The following FAM124B variants were observed in gnomAD, a reference collection of about 807,000 sequenced individuals.
FAM124B encodes family with sequence similarity 124 member B, also known as protein FAM124B.
In FAM124B, 18 loss-of-function variants were observed where a neutral mutation model predicts 19.7. That is an observed-to-expected ratio of 0.92 (90% CI 0.63 to 1.36). The LOEUF is 1.36. Ranked by LOEUF, FAM124B falls within the 40% of genes most tolerant of loss-of-function variation. FAM124B has a pLI of 0.00. For missense variants in FAM124B, 540 were observed against 553.3 expected, an observed-to-expected ratio of 0.98 and a Z score of 0.24; for synonymous variants, 223 against 225.2, an observed-to-expected ratio of 0.99 and a Z score of 0.09.
chr2:224,396,799 G>A (rs749804551), intron 1 of FAM124B, among the ~76,000 whole-genome samples: 11 of 152,242 alleles, frequency 7.2e-5, no homozygotes, highest in Admixed American at 1.3e-4. Flanking sequence ...TTGCGCCATG[G>A]TGGGGCAAGG....
At position 224,401,974 on chromosome 2, in the gene FAM124B, G is replaced by T. The variant is rs968640124; in HGVS notation, c.-206C>A. Reference sequence around the variant, plus strand: ...CGGCAAGAGAAGCTCACACCAGCTCGGGTTCAGCAGCCTCCCTCTCCACAC... The same window carrying T: ...CGGCAAGAGAAGCTCACACCAGCTCTGGTTCAGCAGCCTCCCTCTCCACAC... On this transcript the variant is annotated 5_prime_UTR_variant, in exon 1 of 2. Coordinates refer to ENST00000409685, the MANE Select transcript of FAM124B (RefSeq NM_001122779.2). 1.1e-5 allele frequency: 6 copies of T among 566,312 alleles called. No homozygotes were observed. The highest frequency in any genetic ancestry group is 1.9e-5 in the Non-Finnish European group (6 of 322,350). 35.1% of individuals were successfully genotyped at this position (566,312 alleles called of 1,614,324 possible). A position where few individuals can be genotyped will look rare whatever the true frequency, so the allele number is the denominator to read the frequency against.
intron 1 of FAM124B, among the ~76,000 whole-genome samples, chr2:224,383,293 G>A (rs982915689): frequency 1.3e-4 from 20 of 152,122 alleles, no homozygotes; most frequent in African/African-American, 4.6e-4. Flanking sequence ...GCTAGGCTTC[G>A]AGTAGTCAGT....
chr2:224,387,237 T>G (rs1295215220), intron 1 of FAM124B, among the ~76,000 whole-genome samples: 1 of 152,206 alleles, frequency 6.6e-6, no homozygotes, highest in African/African-American at 2.4e-5. Flanking sequence ...GATTGAGAGC[T>G]AGGTTTTTCA....
At chr2:224,392,048 A>G (rs1023765454) in intron 1 of FAM124B, among the ~76,000 whole-genome samples, 7 of 152,212 alleles carry the variant, frequency 4.6e-5, no homozygotes, top group Admixed American at 1.3e-4. Flanking sequence ...ATCTTAAAAT[A>G]TAATATTAAA....
intron 1 of FAM124B, chr2:224,400,315 T>C: frequency 1.7e-6 from 1 of 574,118 alleles, no homozygotes; most frequent in South Asian, 2.3e-5. Flanking sequence ...CTAAACAAGC[T>C]CGGCCAACAT....
chr2:224,382,117 G>A (rs529455652), intron 1 of FAM124B, among the ~76,000 whole-genome samples: 121 of 152,284 alleles, frequency 7.9e-4, no homozygotes, highest in African/African-American at 2.4e-3. Context: ...GATTCTTTTA[G>A]AATAGAAGTT....
At position 224,379,948 on chromosome 2, in the gene FAM124B, G is replaced by A. The variant is rs1258935971; in HGVS notation, c.993C>T (p.His331=). The change falls in exon 2 of 2, where the codon CAC becomes CAT. Residue 331 remains histidine, a synonymous_variant. Transcript: ENST00000409685. ...FQVSSPAMGA[H]LHLSSHHLES... is the part of the protein sequence containing the mutation. ...CAAGGTGATGAGAAGACAGGTGCAG[G>A]TGGGCACCCATAGCTGGGCTGCTGA... 6.4e-7 allele frequency: 1 copy of A among 1,551,790 alleles called. No homozygotes were observed. The highest frequency in any genetic ancestry group is 1.2e-5 in the South Asian group (1 of 84,064).
rs879702433 is a variant in FAM124B, at chr2:224,378,768, C to G, written c.*805G>C. ...GAATGAGTGCGTTTTGTAAAGGAAT[C>G]TGGGAGTCAAAATCTGGCCAGAAGA... On this transcript the variant is annotated 3_prime_UTR_variant, in exon 2 of 2. Coordinates refer to ENST00000409685, the MANE Select transcript of FAM124B (RefSeq NM_001122779.2). 14 of 152,284 alleles carry G rather than the reference C, an allele frequency of 9.2e-5. No homozygotes were observed. Among genetic ancestry groups the G allele is most frequent in the Admixed American group, 2.6e-4 (4 of 15,298 alleles). 9.4% of individuals were successfully genotyped at this position (152,284 alleles called of 1,614,324 possible).
rs990907768 is a variant in FAM124B, at chr2:224,379,970, C to T, written c.971G>A (p.Ser324Asn). 3 of 1,551,764 alleles carry T rather than the reference C, an allele frequency of 1.9e-6. No individual in the cohort carries two copies. The African/African-American group carries it at 4.1e-5, about 21-fold the overall frequency. ...CAGGTGGGCACCCATAGCTGGGCTG[C>T]TGACCTGGAATGACCGGCCAGGGCT... Reference protein sequence around the residue: ...WKSPGRSFQVSSPAMGAHLHL... With the variant: ...WKSPGRSFQVNSPAMGAHLHL... Residue 324 changes from serine (S) to asparagine (N), a missense_variant, in exon 2 of 2, where the codon AGC (serine) becomes AAC (asparagine). Ser to Asn is a conservative substitution (Grantham distance 46). Coordinates refer to ENST00000409685, the MANE Select transcript of FAM124B (RefSeq NM_001122779.2).
intron 1 of FAM124B, among the ~76,000 whole-genome samples, chr2:224,385,366 C>T (rs78127756): frequency 3.9e-5 from 6 of 152,160 alleles, no homozygotes; most frequent in African/African-American, 1.2e-4. Context: ...GGATTTTCTC[C>T]TACCTTTCCC....
intron 1 of FAM124B, among the ~76,000 whole-genome samples, chr2:224,395,432 G>A (rs148142659): frequency 2.1e-3 from 325 of 152,188 alleles, no homozygotes; most frequent in African/African-American, 7.4e-3. Context: ...AAAAAAAGAG[G>A]CGGACATCAT....
intron 1 of FAM124B, among the ~76,000 whole-genome samples, chr2:224,390,154 C>CAGAGAG (rs1328913170): frequency 9.6e-5 from 14 of 145,512 alleles, no homozygotes; most frequent in African/African-American, 3.1e-4. Context: ...CACACACACA[C>CAGAGAG]ACACAGAAAA....
At chr2:224,380,688 TA>T (rs1689700628) in intron 1 of FAM124B, among the ~76,000 whole-genome samples, 1 of 152,218 alleles carries the variant, frequency 6.6e-6, no homozygotes, top group East Asian at 1.9e-4. Context: ...ATCATGCTAA[TA>T]AAAATACATA....
chr2:224,402,016 C>G lies in FAM124B; in HGVS notation c.-248G>C. 4.0e-6 allele frequency: 2 copies of G among 496,358 alleles called. No individual in the cohort carries two copies. The highest frequency in any genetic ancestry group is 6.3e-5 in the East Asian group (2 of 31,734). 30.7% of individuals were successfully genotyped at this position (496,358 alleles called of 1,614,324 possible). ...TCTCCACACAGCAGCAGCGGGGTCA[C>G]GTCATCCAGCTTGTGCATAATGTAA... On this transcript the variant is annotated 5_prime_UTR_variant, in exon 1 of 2. Transcript: ENST00000409685.
chr2:224,379,448 G>C lies in FAM124B; in HGVS notation c.*125C>G. Reference sequence around the variant, plus strand: ...GAACATTTGAAATAAAATCAATACAGATTGTGCATGGGGAGCATTCAGCCC... The same window carrying C: ...GAACATTTGAAATAAAATCAATACACATTGTGCATGGGGAGCATTCAGCCC... On this transcript the variant is annotated 3_prime_UTR_variant, in exon 2 of 2. Coordinates refer to ENST00000409685, the MANE Select transcript of FAM124B (RefSeq NM_001122779.2). The C allele has an allele frequency of 8.1e-7, 1 of 1,238,820 alleles. No individual in the cohort carries two copies. The allele number at this position is 1,238,820 out of a possible 1,614,324, so 76.7% of individuals were successfully genotyped here. A position where few individuals can be genotyped will look rare whatever the true frequency, so the allele number is the denominator to read the frequency against.
At chr2:224,395,772 T>C (rs1352875060) in intron 1 of FAM124B, among the ~76,000 whole-genome samples, 1 of 152,218 alleles carries the variant, frequency 6.6e-6, no homozygotes, top group African/African-American at 2.4e-5. Flanking sequence ...CTGAGAGGCA[T>C]CAGACTGTCT....
intron 1 of FAM124B, among the ~76,000 whole-genome samples, chr2:224,391,924 C>CT (rs749729611): frequency 6.6e-6 from 1 of 152,134 alleles, no homozygotes; most frequent in African/African-American, 2.4e-5. Context: ...TTACGAAAAG[C>CT]TATACAGGCA....
chr2:224,383,057 C>T (rs983028719), intron 1 of FAM124B, among the ~76,000 whole-genome samples: 2 of 152,090 alleles, frequency 1.3e-5, no homozygotes, highest in Admixed American at 6.5e-5. Context: ...CCCACTGCAC[C>T]GAAGGACCTG....
chr2:224,391,848 T>C (rs1689893706), intron 1 of FAM124B, among the ~76,000 whole-genome samples: 1 of 152,218 alleles, frequency 6.6e-6, no homozygotes, highest in African/African-American at 2.4e-5. Flanking sequence ...GTGGCTGGCA[T>C]ATAAATGTTC....
Sources: allele counts gnomAD v4.1 joint callset (sites outside exome capture counted in the v4.1 genomes callset), GRCh38; gene constraint gnomAD v4.1.1; transcripts MANE v1.5; gene names NCBI Gene and HGNC (gene_info 2026-07-23, HGNC 2026-07-21).